The following XG variants were observed in gnomAD, a reference collection of about 807,000 sequenced individuals.
XG encodes glycoprotein Xg.
In XG, 24 loss-of-function variants were observed where a neutral mutation model predicts 25.7. The observed-to-expected ratio is 0.93, with a 90% confidence interval of 0.68 to 1.31. The LOEUF is 1.31. XG is among the 40% of genes most tolerant of loss of function. The pLI is 0.00. For synonymous variants in XG, 77 were observed against 69.2 expected (o/e 1.11, Z -0.56); for missense variants, 181 against 187.6 (o/e 0.96, Z 0.21).
intron 1 of XG, 73 bp from the exon 2 acceptor site, chrX:2,770,477 C>A: frequency 6.4e-7 from 1 of 1,570,930 alleles, no homozygotes; most frequent in Non-Finnish European, 8.8e-7. Context: ...AGGGGAGCAG[C>A]ATGAGGTGAG....
chrX:2,755,089 A>G (rs1227059432), intron 1 of XG, among the ~76,000 whole-genome samples: 1 of 152,168 alleles, frequency 6.6e-6, no homozygotes, highest in Non-Finnish European at 1.5e-5. Context: ...TCTGAAAATC[A>G]GAATCATCCC....
chrX:2,773,219 C>T (rs924691741), intron 2 of XG, among the ~76,000 whole-genome samples: 9 of 127,386 alleles, frequency 7.1e-5, no homozygotes, highest in South Asian at 2.4e-4. Context: ...AGAGAGGGAA[C>T]GATGGAGGGA....
chrX:2,803,720 G>A lies in XG; in HGVS notation c.374-2981G>A, dbSNP rs12834297. On this transcript the variant is annotated intron_variant, in intron 7 of 10. Transcript: ENST00000644266. ...CCATCCAGTGCAGAGGCTGCAAAAT[G>A]TCTCAAACACCGCGCTTACGTTTTA... Among the ~76,000 whole-genome samples, 104 of 111,599 alleles carry A rather than the reference G, an allele frequency of 9.3e-4. 1 individual carries two copies. Among genetic ancestry groups the A allele is most frequent in the Admixed American group, 4.6e-3 (48 of 10,466 alleles).
chrX:2,752,064 G>A lies in XG; in HGVS notation c.-211G>A, dbSNP rs2050340887. ...CACACGACTGAGTGTGCCTACACTG[G>A]TCCCACAGGTTTTCAGCTGTGGAGT... On this transcript the variant is annotated 5_prime_UTR_variant, in exon 1 of 11. Coordinates refer to ENST00000644266, the MANE Select transcript of XG (RefSeq NM_001141919.2). The A allele has an allele frequency of 1.4e-6, 1 of 699,848 alleles. No homozygotes were observed. Among genetic ancestry groups the A allele is most frequent in the Admixed American group, 2.9e-5 (1 of 34,018 alleles). 43.4% of individuals were successfully genotyped at this position (699,848 alleles called of 1,614,324 possible).
At chrX:2,803,028 C>G (rs745977094) in intron 7 of XG, among the ~76,000 whole-genome samples, 1 of 111,952 alleles carries the variant, frequency 8.9e-6, no homozygotes, top group African/African-American at 3.2e-5. Context: ...AGATCTCTTT[C>G]ACTGTCGTAA....
intron 7 of XG, among the ~76,000 whole-genome samples, chrX:2,801,955 C>T (rs111549896): frequency 0.012 from 1,306 of 111,241 alleles, 23 homozygotes; most frequent in African/African-American, 0.041. Context: ...GATCCGCCCG[C>T]CTCGGCCTCC....
rs1243198545 is a variant in XG, at chrX:2,815,786, C to G, written c.*1406C>G. On this transcript the variant is annotated 3_prime_UTR_variant, in exon 11 of 11. Transcript: ENST00000644266. ...GCTTAATTAAATTCTTGTGAAAAAA[C>G]CTGTGTTTTTAGTTACACACACACA... The G allele has an allele frequency of 1.2e-5, 1 of 83,206 alleles. No individual in the cohort carries two copies. Among genetic ancestry groups the G allele is most frequent in the African/African-American group, 4.4e-5 (1 of 22,555 alleles). The allele number at this position is 83,206 out of a possible 1,213,427, so 6.9% of individuals were successfully genotyped here. A position where few individuals can be genotyped will look rare whatever the true frequency, so the allele number is the denominator to read the frequency against.
intron 6 of XG, among the ~76,000 whole-genome samples, chrX:2,795,696 T>C (rs1191566568): frequency 1.8e-5 from 2 of 110,819 alleles, no homozygotes; most frequent in Middle Eastern, 4.3e-3. Context: ...TCTCGCTCTG[T>C]CGCCCAGGCT....
At chrX:2,782,799 G>A (rs367590226) in intron 4 of XG, among the ~76,000 whole-genome samples, 30 of 111,801 alleles carry the variant, frequency 2.7e-4, no homozygotes, top group African/African-American at 9.4e-4. Flanking sequence ...GCCAGAGGCT[G>A]CACGAGCCCT....
chrX:2,760,433 G>A (rs1173893116), intron 1 of XG, among the ~76,000 whole-genome samples: 1 of 151,686 alleles, frequency 6.6e-6, no homozygotes, highest in Admixed American at 6.6e-5. Context: ...TTGGAGATGG[G>A]GTCTTTAAAG....
At chrX:2,752,914 C>A (rs2050365205) in intron 1 of XG, 17 of 985,338 alleles carry the variant, frequency 1.7e-5, no homozygotes, top group Non-Finnish European at 2.0e-5. Context: ...TGTCCCAGAT[C>A]CAAGATTAGA....
rs191889623 is a variant in XG at position 2,782,597 on chromosome X, T to G, written c.190+469T>G. On this transcript the variant is annotated intron_variant, in intron 4 of 10. Coordinates refer to ENST00000644266, the MANE Select transcript of XG (RefSeq NM_001141919.2). ...AGGTTGGAAAGGGAACCATAGGGGGTTGAAGTGAGGTTTTCTTGCTGTTTT... is the reference window on the plus strand; with the variant it reads ...AGGTTGGAAAGGGAACCATAGGGGGGTGAAGTGAGGTTTTCTTGCTGTTTT... Among the ~76,000 whole-genome samples the G allele has an allele frequency of 6.3e-3, 687 of 109,598 alleles. 3 individuals carry two copies. The highest frequency in any genetic ancestry group is 0.02 in the African/African-American group (605 of 30,028).
At chrX:2,765,988 T>A (rs1380603185) in intron 1 of XG, among the ~76,000 whole-genome samples, 2 of 152,226 alleles carry the variant, frequency 1.3e-5, no homozygotes, top group Non-Finnish European at 2.9e-5. Context: ...GACCCCAAGT[T>A]ACAAGGGGAG....
intron 4 of XG, among the ~76,000 whole-genome samples, chrX:2,784,459 A>G (rs1298905322): frequency 2.7e-5 from 3 of 109,350 alleles, no homozygotes; most frequent in Admixed American, 9.8e-5. Flanking sequence ...AGTCCCAGCA[A>G]CTCGAGAGGC....
At chrX:2,809,971 C>T (rs1031976964) in intron 9 of XG, among the ~76,000 whole-genome samples, 7 of 112,442 alleles carry the variant, frequency 6.2e-5, no homozygotes, top group Non-Finnish European at 1.1e-4. Flanking sequence ...AATGAAGATG[C>T]AGCTCCACCT....
At position 2,808,196 on chromosome X, in the gene XG, C is replaced by T; in HGVS notation, c.430C>T (p.His144Tyr). 8.3e-7 allele frequency: 1 copy of T among 1,211,086 alleles called. No homozygotes were observed. Among genetic ancestry groups the T allele is most frequent in the South Asian group, 1.8e-5 (1 of 56,864 alleles). Residue 144 changes from histidine (H) to tyrosine (Y), a missense_variant, in exon 9 of 11, where the codon CAT (histidine) becomes TAT (tyrosine). Physicochemically the swap from His to Tyr is moderately conservative, Grantham distance 83. Coordinates refer to ENST00000644266, the MANE Select transcript of XG (RefSeq NM_001141919.2). ...TTTTCCGCTTACAGGTGGAGATCAC[C>T]ATTCAACGTATGGCAATCCAGAAGG... ...RYGNTYGGDH[H>Y]STYGNPEGNM... is the part of the protein sequence containing the mutation.
chrX:2,773,125 AAAG>A (rs1390781879), intron 2 of XG, among the ~76,000 whole-genome samples: 1 of 151,036 alleles, frequency 6.6e-6, no homozygotes, highest in Non-Finnish European at 1.5e-5. Context: ...AGAAGAAAGA[AAAG>A]AAGGAAACAA....
At chrX:2,766,289 C>T (rs1225810100) in intron 1 of XG, among the ~76,000 whole-genome samples, 2 of 152,126 alleles carry the variant, frequency 1.3e-5, no homozygotes, top group African/African-American at 2.4e-5. Context: ...TACAGGCACG[C>T]ACCACCACGC....
rs1164700072 is a variant in XG at position 2,786,323 on chromosome X, G to A, written c.191-3321G>A. Among the ~76,000 whole-genome samples the A allele has an allele frequency of 4.1e-5, 4 of 97,394 alleles. No homozygotes were observed. The Middle Eastern group carries it at 0.016, about 395-fold the overall frequency. 84.6% of individuals were successfully genotyped at this position (97,394 alleles called of 115,157 possible). Reference sequence around the variant, plus strand: ...TGCTCAGGCTGGAGTGCAATGGCACGATGGCATGATCTTGGCTCACTGCAA... The same window carrying A: ...TGCTCAGGCTGGAGTGCAATGGCACAATGGCATGATCTTGGCTCACTGCAA... On this transcript the variant is annotated intron_variant, in intron 4 of 10. Transcript: ENST00000644266.
Sources: allele counts gnomAD v4.1 joint callset (sites outside exome capture counted in the v4.1 genomes callset), GRCh38; gene constraint gnomAD v4.1.1; transcripts MANE v1.5; gene names NCBI Gene and HGNC (gene_info 2026-07-23, HGNC 2026-07-21).